The following BARD1 variants were observed in gnomAD, a reference collection of about 807,000 sequenced individuals.
BARD1 encodes BRCA1 associated RING domain 1.
In BARD1, 73 loss-of-function variants were observed where a neutral mutation model predicts 77.0. The ratio of observed to expected loss-of-function variants is 0.95; its 90% CI spans 0.79 to 1.15. The LOEUF is 1.15. Ranked by LOEUF, BARD1 falls within the 50% of genes most tolerant of loss-of-function variation. BARD1 has a pLI of 0.00. For missense variants in BARD1, 993 were observed against 938.8 expected, an observed-to-expected ratio of 1.06 and a Z score of -0.75; for synonymous variants, 384 against 338.0, an observed-to-expected ratio of 1.14 and a Z score of -1.49.
rs558869479 is a variant in BARD1 at position 214,765,451 on chromosome 2, C to T, written c.1568+2031G>A. Among the ~76,000 whole-genome samples, 7 of 152,270 alleles carry T rather than the reference C, an allele frequency of 4.6e-5. 1 individual carries two copies. In the East Asian group the frequency reaches 1.2e-3, roughly 25 times the overall value. On this transcript the variant is annotated intron_variant, in intron 6 of 10. Coordinates refer to ENST00000260947, the MANE Select transcript of BARD1 (RefSeq NM_000465.4). Reference sequence around the variant, plus strand: ...AGAAATAGAAATGCAGCAGGCATCACCCATGTTTTATAGGTGAGGACACCA... The same window carrying T: ...AGAAATAGAAATGCAGCAGGCATCATCCATGTTTTATAGGTGAGGACACCA...
chr2:214,785,593 C>A (rs745661133), intron 3 of BARD1, among the ~76,000 whole-genome samples: 1 of 151,788 alleles, frequency 6.6e-6, no homozygotes, highest in Non-Finnish European at 1.5e-5. Flanking sequence ...TAGTCTAATT[C>A]TTTCATTTTA....
At chr2:214,773,653 C>T (rs1309370983) in intron 4 of BARD1, among the ~76,000 whole-genome samples, 1 of 151,914 alleles carries the variant, frequency 6.6e-6, no homozygotes, top group Non-Finnish European at 1.5e-5. Flanking sequence ...AATGAACAGA[C>T]CTTAATTGAA....
At chr2:214,766,741 A>G (rs1694215754) in intron 6 of BARD1, among the ~76,000 whole-genome samples, 2 of 152,198 alleles carry the variant, frequency 1.3e-5, no homozygotes, top group Admixed American at 1.3e-4. Context: ...AATACCTAAT[A>G]GTATGAAATG....
chr2:214,770,279 TA>T (rs1559413099), intron 4 of BARD1, among the ~76,000 whole-genome samples: 1 of 152,204 alleles, frequency 6.6e-6, no homozygotes, highest in Non-Finnish European at 1.5e-5. Flanking sequence ...AATTCAACTA[TA>T]CGAAATAGAG....
At chr2:214,787,862 C>G (rs1346869060) in intron 3 of BARD1, among the ~76,000 whole-genome samples, 1 of 151,958 alleles carries the variant, frequency 6.6e-6, no homozygotes, top group Non-Finnish European at 1.5e-5. Flanking sequence ...TCAAGTTATT[C>G]TCTATTATAG....
In BARD1 at chr2:214,726,472, G is replaced by A; in HGVS notation, c.*2204C>T. On this transcript the variant is annotated 3_prime_UTR_variant, in exon 11 of 11. Coordinates refer to ENST00000260947, the MANE Select transcript of BARD1 (RefSeq NM_000465.4). ...ATTCGGAATAATCTAAGGTAATAAA[G>A]TATCTAGTACACTTTAGAAATATTT... 1 of 215,346 alleles carries A rather than the reference G, an allele frequency of 4.6e-6. No homozygotes were observed. The highest frequency in any genetic ancestry group is 7.0e-5 in the East Asian group (1 of 14,286). The allele number at this position is 215,346 out of a possible 1,614,324, so 13.3% of individuals were successfully genotyped here.
chr2:214,807,413 A>T (rs890588512), intron 1 of BARD1, among the ~76,000 whole-genome samples: 1 of 152,196 alleles, frequency 6.6e-6, no homozygotes, highest in Non-Finnish European at 1.5e-5. Context: ...AGGACAACAT[A>T]TATTCATATA....
intron 2 of BARD1, among the ~76,000 whole-genome samples, chr2:214,794,157 T>C (rs1021795487): frequency 8.6e-5 from 13 of 151,872 alleles, no homozygotes; most frequent in South Asian, 4.2e-4. Flanking sequence ...GAAAGTGAGA[T>C]TGGATGATCA....
Position 214,727,019 on chromosome 2 carries a change from G to A in BARD1, c.*1657C>T, listed in dbSNP as rs1692113185. ...AAAATGACAACCAAAATCCTAGAGA[G>A]TCTTAAATTATTTAATCCAGACATT... is the stretch of plus-strand genomic sequence containing the variant. On this transcript the variant is annotated 3_prime_UTR_variant, in exon 11 of 11. Coordinates refer to ENST00000260947, the MANE Select transcript of BARD1 (RefSeq NM_000465.4). 1 of 206,360 alleles carries A rather than the reference G, an allele frequency of 4.8e-6. No homozygotes were observed. Among genetic ancestry groups the A allele is most frequent in the Admixed American group, 6.0e-5 (1 of 16,774 alleles). The allele number at this position is 206,360 out of a possible 1,614,324, so 12.8% of individuals were successfully genotyped here.
intron 4 of BARD1, 27 bp downstream of exon 4, chr2:214,780,533 G>C (rs1694933572): frequency 6.3e-7 from 1 of 1,586,112 alleles, no homozygotes; most frequent in South Asian, 1.1e-5. Context: ...CTCATTCTGA[G>C]ATGGTATTTC....
Position 214,752,739 on chromosome 2 carries a change from C to T in BARD1, c.1569-184G>A, listed in dbSNP as rs80226752. On this transcript the variant is annotated intron_variant, in intron 6 of 10. Coordinates refer to ENST00000260947, the MANE Select transcript of BARD1 (RefSeq NM_000465.4). ...GAAATGATGTAAAATTTCAGTTTGA[C>T]ATCAGATTATAGGGATTGTTTTTAC... 1.7e-3 allele frequency among the ~76,000 whole-genome samples: 257 copies of T among 152,270 alleles called. 4 individuals carry two copies. The East Asian group carries it at 0.018, about 11-fold the overall frequency.
At chr2:214,790,656 A>C (rs1695472114) in intron 3 of BARD1, among the ~76,000 whole-genome samples, 1 of 152,212 alleles carries the variant, frequency 6.6e-6, no homozygotes, top group Non-Finnish European at 1.5e-5. Context: ...TGAATACATT[A>C]CTATACAGCA....
At chr2:214,731,129 C>T (rs1031675700) in intron 9 of BARD1, 12 of 174,174 alleles carry the variant, frequency 6.9e-5, no homozygotes, top group Non-Finnish European at 1.1e-4. Flanking sequence ...TTTGATTGGG[C>T]TTTGCAGGAA....
chr2:214,783,651 G>A (rs1695141818), intron 3 of BARD1, among the ~76,000 whole-genome samples: 1 of 152,028 alleles, frequency 6.6e-6, no homozygotes, highest in Admixed American at 6.6e-5. Context: ...GATAGGTGCG[G>A]CAAACCATTG....
intron 6 of BARD1, among the ~76,000 whole-genome samples, chr2:214,755,248 A>C (rs1294882512): frequency 6.6e-6 from 1 of 152,200 alleles, no homozygotes; most frequent in African/African-American, 2.4e-5. Context: ...TCACTATACA[A>C]GGGAAGAAGA....
chr2:214,773,245 A>G (rs1218738575), intron 4 of BARD1, among the ~76,000 whole-genome samples: 1 of 152,228 alleles, frequency 6.6e-6, no homozygotes, highest in East Asian at 1.9e-4. Flanking sequence ...TACCATTAAT[A>G]AACATATTCA....
At chr2:214,741,480 C>T (rs1692825521) in intron 9 of BARD1, among the ~76,000 whole-genome samples, 1 of 152,102 alleles carries the variant, frequency 6.6e-6, no homozygotes, top group Non-Finnish European at 1.5e-5. Context: ...CTTATTCATA[C>T]TCTATGAGAT....
intron 5 of BARD1, among the ~76,000 whole-genome samples, chr2:214,767,938 G>A (rs746032257): frequency 4.6e-5 from 7 of 151,344 alleles, no homozygotes; most frequent in Non-Finnish European, 1.0e-4. Flanking sequence ...TTAAACCAAC[G>A]GTAGCTCCTT....
At chr2:214,743,461 G>A (rs1268439166) in intron 9 of BARD1, among the ~76,000 whole-genome samples, 2 of 152,158 alleles carry the variant, frequency 1.3e-5, no homozygotes, top group Non-Finnish European at 2.9e-5. Flanking sequence ...AGTTTCAAAG[G>A]AATGTACAGA....
Sources: allele counts gnomAD v4.1 joint callset (sites outside exome capture counted in the v4.1 genomes callset), GRCh38; gene constraint gnomAD v4.1.1; transcripts MANE v1.5; gene names NCBI Gene and HGNC (gene_info 2026-07-23, HGNC 2026-07-21).